Variants in KIF27 observed in about 807,000 individuals in gnomAD.
KIF27 encodes the protein kinesin-like protein KIF27.
In KIF27, 84 loss-of-function variants were observed where a neutral mutation model predicts 141.8. The observed-to-expected ratio is 0.59, with a 90% confidence interval of 0.50 to 0.71. KIF27 has a LOEUF of 0.71. KIF27 is among the 30% of genes least tolerant of loss of function. The pLI is 0.00. For synonymous variants in KIF27, 471 were observed against 569.5 expected (o/e 0.83, Z 2.46); for missense variants, 1,306 against 1,628.4 (o/e 0.80, Z 3.41).
Position 83,904,917 on chromosome 9 carries a change from T to C in KIF27, c.500-899A>G, listed in dbSNP as rs112639576. Among the ~76,000 whole-genome samples, 1,479 of 151,996 alleles carry C rather than the reference T, an allele frequency of 9.7e-3. 11 individuals are homozygous for C. Among genetic ancestry groups the C allele is most frequent in the Middle Eastern group, 0.024 (7 of 294 alleles). On this transcript the variant is annotated intron_variant, in intron 3 of 17. Coordinates refer to ENST00000297814, the MANE Select transcript of KIF27 (RefSeq NM_017576.4). The stretch of plus-strand genomic sequence containing the variant: ...AGGTATGGTTTATAAATAAAGTTGG[T>C]TATTCATTTTAAAAACAGGTATCTG...
intron 9 of KIF27, 146 bp from the exon 10 acceptor site, chr9:83,884,164 C>T (rs1344966745): frequency 1.8e-6 from 1 of 544,346 alleles, no homozygotes; most frequent in Non-Finnish European, 3.1e-6. Flanking sequence ...TCCCCACCCA[C>T]CCCCATCAAA....
In KIF27 at chr9:83,860,392, A is replaced by G. The variant is rs572223527; in HGVS notation, c.2935-1021T>C. Among the ~76,000 whole-genome samples, 879 of 152,260 alleles carry G rather than the reference A, an allele frequency of 5.8e-3. 6 individuals carry two copies. Among genetic ancestry groups the G allele is most frequent in the Admixed American group, 8.0e-3 (122 of 15,298 alleles). The stretch of plus-strand genomic sequence containing the variant: ...CAATTTTAGACATTGTCTACTGACT[A>G]TGTATTATGGGAGATAAGGATTTAG... On this transcript the variant is annotated intron_variant, in intron 13 of 17. Transcript: ENST00000297814.
chr9:83,837,535 A>G (rs751933982), intron 17 of KIF27, 50 bp from the exon 18 acceptor site: 1 of 1,517,894 alleles, frequency 6.6e-7, no homozygotes. Context: ...CCTCAAAATT[A>G]GGTATTTTAA....
intron 12 of KIF27, among the ~76,000 whole-genome samples, chr9:83,869,652 G>C (rs532138818): frequency 6.6e-6 from 1 of 152,128 alleles, no homozygotes; most frequent in African/African-American, 2.4e-5. Flanking sequence ...GTGTGAACCC[G>C]GGAGGCGGAG....
chr9:83,873,908 C>T (rs1330121540), intron 11 of KIF27, among the ~76,000 whole-genome samples: 3 of 151,892 alleles, frequency 2.0e-5, no homozygotes, highest in Non-Finnish European at 2.9e-5. Flanking sequence ...AAAAATTAGC[C>T]GGGTGTGGTG....
rs779736930 is a variant in KIF27 at position 83,880,362 on chromosome 9, G to A, written c.2578C>T (p.Arg860Ter). 9.3e-6 allele frequency: 15 copies of A among 1,613,350 alleles called. No homozygotes were observed. Among genetic ancestry groups the A allele is most frequent in the Middle Eastern group, 1.6e-4 (1 of 6,078 alleles). The change falls in exon 11 of 18, where the codon CGA (arginine) becomes TGA (stop). Residue 860 changes from arginine to a stop codon, truncating the protein, a stop_gained. Coordinates refer to ENST00000297814, the MANE Select transcript of KIF27 (RefSeq NM_017576.4). LOFTEE classifies it high-confidence loss of function. ...TGCTTCCTTTTTTCATTTTCTTCTC[G>A]TAGTTTTCTTTGTAGCTGTATCTTT... ...YQKIQLQRKL[R>*]EENEKRKQLD...
At position 83,906,744 on chromosome 9, in the gene KIF27, CAA is replaced by C. The variant is rs565683124; in HGVS notation, c.499+1706_499+1707del. 1.2e-4 allele frequency among the ~76,000 whole-genome samples: 6 copies of C among 50,030 alleles called. No individual in the cohort carries two copies. In the South Asian group the frequency reaches 2.0e-3, roughly 17 times the overall value. The allele number at this position is 50,030 out of a possible 152,430, so 32.8% of individuals were successfully genotyped here. A position where few individuals can be genotyped will look rare whatever the true frequency, so the allele number is the denominator to read the frequency against. On this transcript the variant is annotated intron_variant, in intron 3 of 17. Transcript: ENST00000297814. Reference sequence around the variant, plus strand: ...GCTGACAGAGGTAAGACCCTGTCTCCAAAAAAAAAAAAAAAAAAAAAGAATAG... The same window carrying C: ...GCTGACAGAGGTAAGACCCTGTCTCCAAAAAAAAAAAAAAAAAAAGAATAG...
At chr9:83,866,926 C>A (rs1334687374) in intron 13 of KIF27, among the ~76,000 whole-genome samples, 1 of 151,438 alleles carries the variant, frequency 6.6e-6, no homozygotes, top group Non-Finnish European at 1.5e-5. Context: ...ACCATCACCA[C>A]AATCAATTTT....
At chr9:83,907,073 G>C (rs968692187) in intron 3 of KIF27, among the ~76,000 whole-genome samples, 1 of 151,728 alleles carries the variant, frequency 6.6e-6, no homozygotes, top group African/African-American at 2.4e-5. Flanking sequence ...GGAGGATCAC[G>C]AGGTCAGGAG....
At chr9:83,848,147 T>A (rs411182) in intron 16 of KIF27, among the ~76,000 whole-genome samples, 2 of 68,910 alleles carry the variant, frequency 2.9e-5, no homozygotes, top group Admixed American at 2.6e-4. Context: ...ATGATATATC[T>A]GATATATCAT....
chr9:83,874,953 A>AG (rs397703199), intron 11 of KIF27, among the ~76,000 whole-genome samples: 2 of 148,534 alleles, frequency 1.3e-5, no homozygotes, highest in African/African-American at 5.0e-5. Context: ...AAAAAAAAAA[A>AG]GTGCACTAGA....
chr9:83,918,635 T>G (rs961511015), intron 1 of KIF27, among the ~76,000 whole-genome samples: 12 of 151,920 alleles, frequency 7.9e-5, no homozygotes, highest in African/African-American at 2.9e-4. Context: ...ATCAGGAAAA[T>G]GCAATCAAAA....
chr9:83,852,362 A>G (rs1948702351), intron 15 of KIF27, among the ~76,000 whole-genome samples: 1 of 151,532 alleles, frequency 6.6e-6, no homozygotes, highest in Non-Finnish European at 1.5e-5. Context: ...CTGAGGCAGG[A>G]GAATGGCGTG....
Position 83,837,189 on chromosome 9 carries a change from G to C in KIF27, c.4018C>G (p.Gln1340Glu), listed in dbSNP as rs1319020945. ...FTKSHSRLSSQIQVVGNVGRL... is the reference protein window; with the variant it reads ...FTKSHSRLSSEIQVVGNVGRL... ...CCCACATTTCCCACAACCTGAATTT[G>C]GGATGACAGTCGACTGTGAGATTTT... The change falls in exon 18 of 18, where the codon CAA becomes GAA. Residue 1340 changes from glutamine (Q) to glutamate (E), a missense_variant. Physicochemically the swap from Gln to Glu is conservative, Grantham distance 29. Coordinates refer to ENST00000297814, the MANE Select transcript of KIF27 (RefSeq NM_017576.4). 4 of 1,614,050 alleles carry C rather than the reference G, an allele frequency of 2.5e-6. No homozygotes were observed. The highest frequency in any genetic ancestry group is 2.7e-5 in the African/African-American group (2 of 74,934).
intron 3 of KIF27, among the ~76,000 whole-genome samples, chr9:83,908,081 G>C (rs1386065331): frequency 1.3e-5 from 2 of 152,034 alleles, no homozygotes; most frequent in African/African-American, 4.8e-5. Context: ...GACCAACATG[G>C]TGAAATCCCG....
chr9:83,885,178 C>T (rs1380673711), intron 9 of KIF27, among the ~76,000 whole-genome samples: 5 of 152,286 alleles, frequency 3.3e-5, no homozygotes, highest in South Asian at 2.1e-4. Context: ...CTGCCACCTC[C>T]GCCTCCTGGG....
chr9:83,870,612 T>C lies in KIF27; in HGVS notation c.2664A>G (p.Gly888=), dbSNP rs746642589. Residue 888 remains glycine, a synonymous_variant, in exon 12 of 18, where the codon GGA becomes GGG. Coordinates refer to ENST00000297814, the MANE Select transcript of KIF27 (RefSeq NM_017576.4). The part of the protein sequence containing the change: ...QKIKEIQLKT[G]QEEGLKPKAE... ...CTTTCGGTTTTAGACCTTCTTCCTG[T>C]CCTGTTTTTAATTGTATTTCCTATA... 5.0e-6 allele frequency: 8 copies of C among 1,613,884 alleles called. No individual in the cohort carries two copies. In the East Asian group the frequency reaches 1.8e-4, roughly 36 times the overall value.
chr9:83,852,111 C>A (rs1213587149), intron 15 of KIF27, among the ~76,000 whole-genome samples: 2 of 148,622 alleles, frequency 1.3e-5, no homozygotes, highest in Non-Finnish European at 1.5e-5. Context: ...GAGTGAGAGT[C>A]CATCTCAGGG....
chr9:83,839,033 G>A (rs1946249930), intron 17 of KIF27, among the ~76,000 whole-genome samples: 1 of 152,106 alleles, frequency 6.6e-6, no homozygotes, highest in Admixed American at 6.5e-5. Flanking sequence ...GGTGGTTTAT[G>A]CCTGTAGCCC....
Sources: gnomAD v4.1 joint callset for allele counts (sites outside exome capture counted in the v4.1 genomes callset) on GRCh38, gnomAD v4.1.1 for gene constraint, MANE v1.5 for transcripts, NCBI Gene and HGNC (gene_info 2026-07-23, HGNC 2026-07-21) for gene names.